KLF15: variants seen among roughly 807,000 people sequenced by gnomAD.
The protein encoded by KLF15 is KLF transcription factor 15.
In KLF15, 4 loss-of-function variants were observed where a neutral mutation model predicts 24.6. That is an observed-to-expected ratio of 0.16 (90% CI 0.08 to 0.37). The LOEUF is 0.37. Ranked by LOEUF, KLF15 falls within the 10% of genes least tolerant of loss-of-function variation. KLF15 has a pLI of 1.00. For missense variants in KLF15, 496 were observed against 560.6 expected, an observed-to-expected ratio of 0.88 and a Z score of 1.16; for synonymous variants, 246 against 236.3, an observed-to-expected ratio of 1.04 and a Z score of -0.37.
the KLF15 span, among the ~76,000 whole-genome samples, chr3:126,307,543 G>A: frequency 4.6e-5 from 7 of 152,288 alleles, no homozygotes; most frequent in East Asian, 1.9e-4. Flanking sequence ...AATGACCCCC[G>A]ACACAGCCAG....
chr3:126,290,814 T>C, the KLF15 span: 4 of 152,240 alleles, frequency 2.6e-5, no homozygotes, highest in African/African-American at 9.6e-5. Context: ...TTAAATTATA[T>C]ACCACTTTTA....
chr3:126,349,936 G>A (rs9850626), intron 2 of KLF15, among the ~76,000 whole-genome samples: 5 of 152,070 alleles, frequency 3.3e-5, no homozygotes, highest in African/African-American at 1.2e-4. Context: ...AGAAACTGCC[G>A]TGTATGAGTT....
the KLF15 span, among the ~76,000 whole-genome samples, chr3:126,296,999 TC>T: frequency 2.0e-5 from 3 of 152,184 alleles, no homozygotes; most frequent in South Asian, 2.1e-4. Context: ...GGACTTGAAC[TC>T]TGGGCTGAAG....
downstream of KLF15, among the ~76,000 whole-genome samples, chr3:126,340,682 G>A (rs886195384): frequency 2.0e-5 from 3 of 152,206 alleles, no homozygotes; most frequent in Admixed American, 6.5e-5. Flanking sequence ...CAGCCTTCCA[G>A]CTTCCACCTC....
chr3:126,345,274 G>A (rs1045245859), intron 2 of KLF15, among the ~76,000 whole-genome samples: 25 of 151,724 alleles, frequency 1.6e-4, no homozygotes, highest in Admixed American at 7.9e-4. Flanking sequence ...TCAACTTTTT[G>A]ATGACTGTCA....
In KLF15 at chr3:126,350,484, A is replaced by G. The variant is rs1054287845; in HGVS notation, c.1082+1357T>C. Among the ~76,000 whole-genome samples, 8 of 152,310 alleles carry G rather than the reference A, an allele frequency of 5.3e-5. 1 individual carries two copies. Among genetic ancestry groups the G allele is most frequent in the Admixed American group, 2.0e-4 (3 of 15,306 alleles). ...CCTTCTCTGGCCAGATTGGCACTCA[A>G]TGGAAAGGTGGCACCAGTGCCACAA... On this transcript the variant is annotated intron_variant, in intron 2 of 2. Coordinates refer to ENST00000296233, the MANE Select transcript of KLF15 (RefSeq NM_014079.4).
rs533829962 is a variant in KLF15 at position 126,352,837 on chromosome 3, C to A, written c.86G>T (p.Arg29Leu). 1 of 1,609,952 alleles carries A rather than the reference C, an allele frequency of 6.2e-7. No homozygotes were observed. The highest frequency in any genetic ancestry group is 1.3e-5 in the African/African-American group (1 of 74,880). ...VGYLGDRLVG[R>L]RAYHMLPSPV... ...TGAGGGCAGCATGTGATATGCCCGC[C>A]GGCCAACCAGCCTATCACCCAGATA... The change falls in exon 2 of 3, where the codon CGG becomes CTG. Residue 29 changes from arginine (R) to leucine (L), a missense_variant. This residue lies in a region of KLF15 where 399 missense variants were observed against 423.1 expected (regional missense o/e 0.94). Coordinates refer to ENST00000296233, the MANE Select transcript of KLF15 (RefSeq NM_014079.4).
In KLF15 at chr3:126,357,283, GCGGC is replaced by G. The variant is rs1165980677; in HGVS notation, c.-76_-73del. 6.8e-6 allele frequency: 1 copy of G among 148,146 alleles called. No individual in the cohort carries two copies. The allele number at this position is 148,146 out of a possible 1,614,324, so 9.2% of individuals were successfully genotyped here. A position where few individuals can be genotyped will look rare whatever the true frequency, so the allele number is the denominator to read the frequency against. On this transcript the variant is annotated 5_prime_UTR_variant, in exon 1 of 3. Transcript: ENST00000296233. ...CCGGCGGCCAGGCCCCGGCGGTCCT[GCGGC>G]CGGGCGGGCTGGGCTGGGGGCGGCG...
chr3:126,297,123 A>G, the KLF15 span, among the ~76,000 whole-genome samples: 1 of 152,172 alleles, frequency 6.6e-6, no homozygotes, highest in African/African-American at 2.4e-5. Flanking sequence ...AAATTTTGTT[A>G]GTTAAACCTT....
the KLF15 span, among the ~76,000 whole-genome samples, chr3:126,303,768 T>C: frequency 6.6e-6 from 1 of 152,064 alleles, no homozygotes. Flanking sequence ...TAATTAAACA[T>C]TTATTAGGTT....
At chr3:126,293,874 C>T in the KLF15 span, 8,539 of 152,472 alleles carry the variant, frequency 0.056, 340 homozygotes, top group South Asian at 0.18. Flanking sequence ...CTTCTCATGC[C>T]GGCATTCCAT....
At chr3:126,321,844 C>T in the KLF15 span, among the ~76,000 whole-genome samples, 2 of 152,194 alleles carry the variant, frequency 1.3e-5, no homozygotes, top group African/African-American at 4.8e-5. Flanking sequence ...CTGCTGCAGG[C>T]GGTCCTTGCA....
downstream of KLF15, among the ~76,000 whole-genome samples, chr3:126,340,234 A>G (rs983159154): frequency 2.0e-5 from 3 of 152,248 alleles, no homozygotes; most frequent in African/African-American, 7.2e-5. Flanking sequence ...CATGCTGCCC[A>G]GATGACGACT....
chr3:126,307,297 C>G, the KLF15 span, among the ~76,000 whole-genome samples: 1 of 152,208 alleles, frequency 6.6e-6, no homozygotes, highest in Non-Finnish European at 1.5e-5. Context: ...ACTATCAGCC[C>G]TGCCCAGCCT....
In KLF15 at chr3:126,343,895, C is replaced by T. The variant is rs748786745; in HGVS notation, c.1083G>A (p.Arg361=). The change falls in exon 3 of 3, where the codon AGG becomes AGA. Residue 361 remains arginine (R), a splice_region_variant and synonymous_variant. Coordinates refer to ENST00000296233, the MANE Select transcript of KLF15 (RefSeq NM_014079.4). ...GCGACAGCTCGTCAGAGCGCGAGAA[C>T]CTGCGGGACATGGCGCGGTCAGCGA... ...FACTWPGCGW[R]FSRSDELSRH... is the part of the protein sequence containing the mutation. 2 of 1,582,980 alleles carry T rather than the reference C, an allele frequency of 1.3e-6. No homozygotes were observed. The highest frequency in any genetic ancestry group is 1.1e-5 in the South Asian group (1 of 87,802).
At chr3:126,316,652 G>A in the KLF15 span, among the ~76,000 whole-genome samples, 2 of 150,590 alleles carry the variant, frequency 1.3e-5, no homozygotes, top group Non-Finnish European at 3.0e-5. Flanking sequence ...GGCCAGAGTA[G>A]GGAAGGGAGT....
At chr3:126,342,554 G>A (rs1207319238), downstream of KLF15, 4 of 152,530 alleles carry the variant, frequency 2.6e-5, no homozygotes, top group South Asian at 4.1e-4. Context: ...TGAACTCTGC[G>A]AAGGTGGAGA....
the KLF15 span, among the ~76,000 whole-genome samples, chr3:126,310,969 C>T: frequency 3.3e-5 from 5 of 152,130 alleles, no homozygotes; most frequent in Admixed American, 1.3e-4. Flanking sequence ...ACTTGTCCAT[C>T]GCCACCGCGG....
chr3:126,352,644 G>A lies in KLF15; in HGVS notation c.279C>T (p.Gly93=), dbSNP rs1417875322. Residue 93 remains glycine, a synonymous_variant, in exon 2 of 3, where the codon GGC becomes GGT. Coordinates refer to ENST00000296233, the MANE Select transcript of KLF15 (RefSeq NM_014079.4). The part of the protein sequence containing the change: ...QATLGSGGGS[G]SSIGASSGPV... ...GGCCACTGCTGGCCCCAATGCTACT[G>A]CCGCTGCCCCCGCCACTGCCCAGCG... 2 of 1,581,848 alleles carry A rather than the reference G, an allele frequency of 1.3e-6. No homozygotes were observed. The highest frequency in any genetic ancestry group is 8.6e-7 in the Non-Finnish European group (1 of 1,163,832).
Sources: allele counts gnomAD v4.1 joint callset (sites outside exome capture counted in the v4.1 genomes callset), GRCh38; gene constraint gnomAD v4.1.1; regional missense constraint gnomAD v4.1.1; transcripts MANE v1.5; gene names NCBI Gene and HGNC (gene_info 2026-07-23, HGNC 2026-07-21).